Variants in TCF4 observed in about 807,000 individuals in gnomAD.
The protein encoded by TCF4 is SL3-3 enhancer factor 2.
TCF4 carries 3 observed loss-of-function variants against 82.1 expected under a neutral mutation model. The ratio of observed to expected loss-of-function variants is 0.04; its 90% confidence interval spans 0.02 to 0.09. The LOEUF (loss-of-function observed/expected upper bound fraction) is 0.09, where lower values mean the gene tolerates loss of function less well. Ranked by LOEUF, TCF4 falls within the 10% of genes least tolerant of loss-of-function variation. The pLI is 1.00. For missense variants in TCF4, 518 were observed against 852.7 expected, an observed-to-expected ratio of 0.61 and a Z score of 4.89; for synonymous variants, 276 against 309.6, an observed-to-expected ratio of 0.89 and a Z score of 1.14.
At chr18:55,435,998 T>C (rs1351714007) in intron 5 of TCF4, among the ~76,000 whole-genome samples, 1 of 152,168 alleles carries the variant, frequency 6.6e-6, no homozygotes, top group African/African-American at 2.4e-5. Context: ...ATCTGAGGAA[T>C]AGACTTAATG....
At chr18:55,441,207 C>CT (rs1168314921) in intron 5 of TCF4, among the ~76,000 whole-genome samples, 1 of 152,240 alleles carries the variant, frequency 6.6e-6, no homozygotes, top group Admixed American at 6.5e-5. Flanking sequence ...CTTGCTCTTT[C>CT]TTTCTCTTCT....
At chr18:55,566,274 T>C (rs1304915855) in intron 3 of TCF4, among the ~76,000 whole-genome samples, 1 of 151,926 alleles carries the variant, frequency 6.6e-6, no homozygotes, top group Admixed American at 6.6e-5. Flanking sequence ...GGATGTAGTC[T>C]ATCAGTGGGC....
chr18:55,328,257 C>T (rs2076914787), intron 8 of TCF4, among the ~76,000 whole-genome samples: 1 of 151,954 alleles, frequency 6.6e-6, no homozygotes, highest in Non-Finnish European at 1.5e-5. Flanking sequence ...ATTAGGCAAA[C>T]ATAGTGCAAT....
chr18:55,318,804 A>G (rs1246735923), intron 8 of TCF4, among the ~76,000 whole-genome samples: 1 of 152,164 alleles, frequency 6.6e-6, no homozygotes, highest in African/African-American at 2.4e-5. Context: ...TTTCTGCTAG[A>G]AAGTTAGAGG....
chr18:55,417,338 G>A (rs944458524), intron 5 of TCF4, among the ~76,000 whole-genome samples: 5 of 152,090 alleles, frequency 3.3e-5, no homozygotes, highest in South Asian at 2.1e-4. Flanking sequence ...TTTTTAAAAC[G>A]TCTTCAAGAC....
intron 3 of TCF4, among the ~76,000 whole-genome samples, chr18:55,522,868 C>T (rs547255741): frequency 1.1e-3 from 163 of 152,114 alleles, no homozygotes; most frequent in African/African-American, 3.7e-3. Flanking sequence ...TTAAAATGTA[C>T]ACTACAGAAA....
intron 3 of TCF4, among the ~76,000 whole-genome samples, chr18:55,584,367 C>T (rs1441162957): frequency 2.0e-5 from 3 of 152,044 alleles, no homozygotes; most frequent in Non-Finnish European, 2.9e-5. Flanking sequence ...TGCCAGAACT[C>T]CTAAAATACT....
At chr18:55,517,253 T>A (rs2096891835) in intron 3 of TCF4, among the ~76,000 whole-genome samples, 1 of 152,192 alleles carries the variant, frequency 6.6e-6, no homozygotes, top group South Asian at 2.1e-4. Flanking sequence ...ACTCATTTGA[T>A]CTTGCTCTTT....
intron 18 of TCF4, among the ~76,000 whole-genome samples, chr18:55,228,623 G>A (rs576621681): frequency 3.3e-5 from 5 of 152,330 alleles, no homozygotes; most frequent in East Asian, 3.9e-4. Flanking sequence ...AGGATATAGG[G>A]AAAGTTGCAA....
intron 8 of TCF4, among the ~76,000 whole-genome samples, chr18:55,325,044 C>T (rs757090616): frequency 5.9e-5 from 9 of 152,124 alleles, no homozygotes; most frequent in Non-Finnish European, 1.3e-4. Flanking sequence ...AATATTTGAC[C>T]TAAAACCCCC....
intron 3 of TCF4, among the ~76,000 whole-genome samples, chr18:55,583,519 TCAGA>T (rs1323639879): frequency 7.9e-5 from 12 of 152,270 alleles, no homozygotes; most frequent in Non-Finnish European, 1.3e-4. Flanking sequence ...AGAAAATGGA[TCAGA>T]CATACAGTTG....
intron 8 of TCF4, among the ~76,000 whole-genome samples, chr18:55,295,349 G>A (rs2066219805): frequency 6.6e-6 from 1 of 152,194 alleles, no homozygotes. Flanking sequence ...TGAGGACGAT[G>A]ATGATGACGA....
At position 55,223,251 on chromosome 18, in the gene TCF4, T is replaced by C. The variant is rs1055514025; in HGVS notation, c.*4784A>G. ...TGTTTTGCATGCATCCCGTTCCATTTTCATTAAGGGCATCTCTTCCTTGAT... is the reference window on the plus strand; with the variant it reads ...TGTTTTGCATGCATCCCGTTCCATTCTCATTAAGGGCATCTCTTCCTTGAT... On this transcript the variant is annotated 3_prime_UTR_variant, in exon 20 of 20. Transcript: ENST00000354452. 7 of 152,238 alleles carry C rather than the reference T, an allele frequency of 4.6e-5. No homozygotes were observed. Among genetic ancestry groups the C allele is most frequent in the African/African-American group, 1.7e-4 (7 of 41,460 alleles). The allele number at this position is 152,238 out of a possible 1,614,324, so 9.4% of individuals were successfully genotyped here.
At chr18:55,430,605 C>T (rs1251929734) in intron 5 of TCF4, among the ~76,000 whole-genome samples, 2 of 151,372 alleles carry the variant, frequency 1.3e-5, no homozygotes, top group African/African-American at 4.9e-5. Flanking sequence ...CAGCTCTTCC[C>T]ATGCCTGCAC....
Position 55,228,000 on chromosome 18 carries a change from T to A in TCF4, c.*35A>T, listed in dbSNP as rs190089558. ...TACAGCTGTTAAGGAAGTGGTCTCT[T>A]GTTTTAATGAAGCAATGTGGCAACT... is the stretch of plus-strand genomic sequence containing the variant. On this transcript the variant is annotated 3_prime_UTR_variant, in exon 20 of 20. Coordinates refer to ENST00000354452, the MANE Select transcript of TCF4 (RefSeq NM_001083962.2). 1.5e-5 allele frequency: 8 copies of A among 543,196 alleles called. No homozygotes were observed. The Admixed American group carries it at 2.5e-4, about 17-fold the overall frequency. 33.6% of individuals were successfully genotyped at this position (543,196 alleles called of 1,614,324 possible). A position where few individuals can be genotyped will look rare whatever the true frequency, so the allele number is the denominator to read the frequency against.
chr18:55,418,613 A>G (rs2094606049), intron 5 of TCF4, among the ~76,000 whole-genome samples: 1 of 152,172 alleles, frequency 6.6e-6, no homozygotes, highest in African/African-American at 2.4e-5. Flanking sequence ...TATCATTTAT[A>G]CTTTCATTCT....
intron 8 of TCF4, among the ~76,000 whole-genome samples, chr18:55,336,938 A>G (rs1297220872): frequency 4.6e-5 from 7 of 152,196 alleles, no homozygotes; most frequent in Non-Finnish European, 1.0e-4. Flanking sequence ...AAATTTATTC[A>G]TATGTTAGTT....
At chr18:55,469,900 A>G (rs935270380) in intron 3 of TCF4, among the ~76,000 whole-genome samples, 1 of 152,246 alleles carries the variant, frequency 6.6e-6, no homozygotes, top group African/African-American at 2.4e-5. Flanking sequence ...GATGGATAAC[A>G]GTTTTTTGAA....
intron 3 of TCF4, among the ~76,000 whole-genome samples, chr18:55,505,087 T>C (rs923748450): frequency 6.6e-6 from 1 of 152,162 alleles, no homozygotes; most frequent in Admixed American, 6.5e-5. Context: ...GGCATTTTTT[T>C]CCACCTCACC....
Sources: allele counts gnomAD v4.1 joint callset (sites outside exome capture counted in the v4.1 genomes callset), GRCh38; gene constraint gnomAD v4.1.1; transcripts MANE v1.5; gene names NCBI Gene and HGNC (gene_info 2026-07-23, HGNC 2026-07-21).